BRINP1: variants seen among roughly 807,000 people sequenced by gnomAD.
BRINP1 encodes BMP/retinoic acid-inducible neural-specific protein 1.
BRINP1 carries 17 observed loss-of-function variants against 72.9 expected under a neutral mutation model. The observed-to-expected ratio is 0.23, with a 90% CI of 0.16 to 0.35. The LOEUF (loss-of-function observed/expected upper bound fraction) is 0.35, where lower values mean the gene tolerates loss of function less well. BRINP1 is among the 10% of genes least tolerant of loss of function. The pLI, the probability that BRINP1 is intolerant of heterozygous loss-of-function variation, is 1.00. For synonymous variants in BRINP1, 418 were observed against 378.5 expected, an observed-to-expected ratio of 1.10 and a Z score of -1.21; for missense variants, 850 against 1,001.6, an observed-to-expected ratio of 0.85 and a Z score of 2.04.
At chr9:119,216,349 C>T (rs1056701915) in intron 5 of BRINP1, among the ~76,000 whole-genome samples, 18 of 152,188 alleles carry the variant, frequency 1.2e-4, no homozygotes, top group East Asian at 5.8e-4. Context: ...AGTTGAACAA[C>T]GGGCTGCTGT....
chr9:119,218,242 G>A (rs961902405), intron 5 of BRINP1, among the ~76,000 whole-genome samples: 2 of 139,742 alleles, frequency 1.4e-5, no homozygotes, highest in African/African-American at 2.7e-5. Context: ...GTCTCACTCT[G>A]TCACCAGGCT....
In BRINP1 at chr9:119,368,478, C is replaced by A. The variant is rs1247963753; in HGVS notation, c.-51+578G>T. On this transcript the variant is annotated intron_variant, in intron 1 of 7. Coordinates refer to ENST00000265922, the MANE Select transcript of BRINP1 (RefSeq NM_014618.3). The surrounding 1 kb of genome is among the most constrained non-coding windows in gnomAD (Gnocchi z 4.7). ...GGCTAAATAAGGTGCCATCTACAGC[C>A]CCATAATCCTCCCCAAACCCCAAGC... Among the ~76,000 whole-genome samples, 3 of 151,994 alleles carry A rather than the reference C, an allele frequency of 2.0e-5. No individual in the cohort carries two copies. The highest frequency in any genetic ancestry group is 7.3e-5 in the African/African-American group (3 of 41,374).
intron 2 of BRINP1, among the ~76,000 whole-genome samples, chr9:119,294,553 T>C (rs1162699059): frequency 6.8e-6 from 1 of 146,174 alleles, no homozygotes; most frequent in Non-Finnish European, 1.5e-5. Flanking sequence ...ACAAAACACA[T>C]TGATGAAGGA....
chr9:119,360,369 CCTTT>C (rs1441113605), intron 1 of BRINP1, among the ~76,000 whole-genome samples: 35 of 152,310 alleles, frequency 2.3e-4, no homozygotes, highest in Admixed American at 2.6e-4. Context: ...GTAGGTCCTT[CCTTT>C]ATCATGCGCC....
chr9:119,169,858 G>A (rs230097), intron 7 of BRINP1, among the ~76,000 whole-genome samples: 280 of 151,250 alleles, frequency 1.9e-3, no homozygotes, highest in Admixed American at 6.1e-3. Flanking sequence ...GAGGCACCCC[G>A]CCAGCAGGGG....
In BRINP1 at chr9:119,231,450, C is replaced by T. The variant is rs1256629266; in HGVS notation, c.685+7205G>A. Among the ~76,000 whole-genome samples, 11 of 152,194 alleles carry T rather than the reference C, an allele frequency of 7.2e-5. No individual in the cohort carries two copies. The East Asian group carries it at 1.2e-3, about 16-fold the overall frequency. Reference sequence around the variant, plus strand: ...TCAACATTAGACAAAAGTTTTGTTGCTTCTATATTAAAAAGAAAAGAAAAA... The same window carrying T: ...TCAACATTAGACAAAAGTTTTGTTGTTTCTATATTAAAAAGAAAAGAAAAA... On this transcript the variant is annotated intron_variant, in intron 5 of 7. Coordinates refer to ENST00000265922, the MANE Select transcript of BRINP1 (RefSeq NM_014618.3).
intron 7 of BRINP1, among the ~76,000 whole-genome samples, chr9:119,205,941 G>A (rs532962833): frequency 3.9e-4 from 60 of 152,074 alleles, no homozygotes; most frequent in Admixed American, 7.2e-4. Context: ...CTGATCAAAA[G>A]CTACCTCCTA....
chr9:119,268,073 T>C (rs1308258052), intron 2 of BRINP1, among the ~76,000 whole-genome samples: 1 of 152,048 alleles, frequency 6.6e-6, no homozygotes, highest in Non-Finnish European at 1.5e-5. Flanking sequence ...CGAAACCCCA[T>C]CTCTACTAAA....
At chr9:119,241,960 T>C (rs1830254442) in intron 4 of BRINP1, 87 bp downstream of exon 4, 4 of 1,420,238 alleles carry the variant, frequency 2.8e-6, no homozygotes, top group Non-Finnish European at 3.9e-6. Flanking sequence ...ACCCAGAAAT[T>C]ACATCTGTCC....
chr9:119,208,016 T>A (rs1275283611), intron 7 of BRINP1, among the ~76,000 whole-genome samples: 2 of 152,188 alleles, frequency 1.3e-5, no homozygotes, highest in Non-Finnish European at 2.9e-5. Context: ...TGGATTCAAG[T>A]CCTGGCTCCT....
intron 2 of BRINP1, among the ~76,000 whole-genome samples, chr9:119,255,211 C>G (rs1445319875): frequency 6.6e-6 from 1 of 152,218 alleles, no homozygotes; most frequent in Non-Finnish European, 1.5e-5. Context: ...TAAAATATAT[C>G]TTTCCTTCTG....
intron 2 of BRINP1, among the ~76,000 whole-genome samples, chr9:119,278,685 C>G (rs747830674): frequency 1.3e-5 from 2 of 152,092 alleles, no homozygotes; most frequent in Non-Finnish European, 2.9e-5. Context: ...GTCAAGAGAT[C>G]GAGACCATTC....
chr9:119,298,402 CT>C (rs769068889), intron 2 of BRINP1, among the ~76,000 whole-genome samples: 57 of 152,280 alleles, frequency 3.7e-4, no homozygotes, highest in Admixed American at 5.2e-4. Flanking sequence ...GCTCAGATCA[CT>C]ACTCAAAGAT....
chr9:119,265,659 G>C (rs1264833668), intron 2 of BRINP1, among the ~76,000 whole-genome samples: 1 of 152,100 alleles, frequency 6.6e-6, no homozygotes, highest in Non-Finnish European at 1.5e-5. Context: ...ATCGAGGAAA[G>C]AATAACCATG....
intron 7 of BRINP1, among the ~76,000 whole-genome samples, chr9:119,174,550 G>T (rs13289784): frequency 0.98 from 115,810 of 118,590 alleles, 56,609 homozygotes; most frequent in East Asian, 1. Context: ...ATTGTGGAAG[G>T]CAGTGTGGCA....
chr9:119,300,693 T>C (rs573657983), intron 2 of BRINP1, among the ~76,000 whole-genome samples: 1 of 152,260 alleles, frequency 6.6e-6, no homozygotes, highest in East Asian at 1.9e-4. Flanking sequence ...GAAAAAATAA[T>C]AAAATCTCTA....
intron 1 of BRINP1, among the ~76,000 whole-genome samples, chr9:119,341,001 C>G (rs1348851804): frequency 2.0e-5 from 3 of 152,184 alleles, no homozygotes; most frequent in Non-Finnish European, 4.4e-5. Context: ...ATCCCTGGCT[C>G]TCTTCTAAGG....
intron 2 of BRINP1, among the ~76,000 whole-genome samples, chr9:119,270,686 A>C (rs1045953388): frequency 3.3e-5 from 5 of 152,208 alleles, no homozygotes; most frequent in Non-Finnish European, 7.3e-5. Context: ...AGTCAGAAGT[A>C]CAGGTTTATA....
chr9:119,277,028 G>C (rs1003883770), intron 2 of BRINP1, among the ~76,000 whole-genome samples: 1 of 152,078 alleles, frequency 6.6e-6, no homozygotes, highest in Non-Finnish European at 1.5e-5. Flanking sequence ...TTATAGTTTT[G>C]CCTTGTTCAG....
Sources: allele counts gnomAD v4.1 joint callset (sites outside exome capture counted in the v4.1 genomes callset), GRCh38; gene constraint gnomAD v4.1.1; non-coding constraint Gnocchi (gnomAD v3.1); transcripts MANE v1.5; gene names NCBI Gene and HGNC (gene_info 2026-07-23, HGNC 2026-07-21).